The following NADSYN1 variants were observed in gnomAD, a reference collection of about 807,000 sequenced individuals.
NADSYN1 encodes the protein NAD synthetase 1.
Under a neutral mutation model 99.3 loss-of-function variants are expected in NADSYN1, and 80 were observed. That is an observed-to-expected ratio of 0.81 (90% CI 0.67 to 0.97). The LOEUF is 0.97. NADSYN1 is among the 50% of genes least tolerant of loss of function. The pLI is 0.00. For missense variants in NADSYN1, 859 were observed against 948.5 expected (o/e 0.91, Z 1.24); for synonymous variants, 385 against 372.1 (o/e 1.03, Z -0.40).
chr11:71,489,500 A>T (rs1949765454), intron 16 of NADSYN1, among the ~76,000 whole-genome samples: 1 of 152,104 alleles, frequency 6.6e-6, no homozygotes, highest in Admixed American at 6.5e-5. Flanking sequence ...TCTCTGAGTC[A>T]GCCCCGGCGG....
At chr11:71,460,948 C>T (rs977660720) in intron 3 of NADSYN1, 6 of 152,144 alleles carry the variant, frequency 3.9e-5, no homozygotes, top group Non-Finnish European at 4.4e-5. Context: ...TTTTTAAAAA[C>T]GACTGTCTTA....
In NADSYN1 at chr11:71,498,339, G is replaced by A. The variant is rs1354560784; in HGVS notation, c.1894-13G>A. ...TTTGGTAACATGAAGCTCGTGTGTTGCACGCCCACCAGGTCGCTGACAAAG... is the reference window on the plus strand; with the variant it reads ...TTTGGTAACATGAAGCTCGTGTGTTACACGCCCACCAGGTCGCTGACAAAG... On this transcript the variant is annotated splice_polypyrimidine_tract_variant and intron_variant, in intron 19 of 20. Coordinates refer to ENST00000319023, the MANE Select transcript of NADSYN1 (RefSeq NM_018161.5). 6.2e-7 allele frequency: 1 copy of A among 1,613,716 alleles called. No individual in the cohort carries two copies. Among genetic ancestry groups the A allele is most frequent in the Admixed American group, 1.7e-5 (1 of 60,016 alleles).
chr11:71,493,870 G>T (rs779367456), intron 18 of NADSYN1, among the ~76,000 whole-genome samples: 1 of 152,062 alleles, frequency 6.6e-6, no homozygotes, highest in Non-Finnish European at 1.5e-5. Flanking sequence ...GGTGGCTCAC[G>T]CCTGTAATCC....
At chr11:71,488,609 G>A (rs564461974) in intron 16 of NADSYN1, among the ~76,000 whole-genome samples, 6 of 151,710 alleles carry the variant, frequency 4.0e-5, no homozygotes, top group African/African-American at 1.2e-4. Flanking sequence ...GAGGGGAGGC[G>A]CAGGATAGGC....
Position 71,495,096 on chromosome 11 carries a change from T to C in NADSYN1, c.1765-2387T>C, listed in dbSNP as rs191960504. Among the ~76,000 whole-genome samples the C allele has an allele frequency of 1.9e-3, 295 of 152,338 alleles. 6 individuals carry two copies. Among genetic ancestry groups the C allele is most frequent in the Admixed American group, 0.015 (236 of 15,306 alleles). On this transcript the variant is annotated intron_variant, in intron 18 of 20. Coordinates refer to ENST00000319023, the MANE Select transcript of NADSYN1 (RefSeq NM_018161.5). ...GTTTCATTTGCTCTTCTTTTTCTAG[T>C]ATCTCAAGGTGGAAAGTTAGGTTGT...
At chr11:71,469,977 A>G (rs1037708961) in intron 5 of NADSYN1, among the ~76,000 whole-genome samples, 1 of 149,794 alleles carries the variant, frequency 6.7e-6, no homozygotes, top group East Asian at 2.0e-4. Context: ...TGCTGCTGAT[A>G]AAGACATACC....
chr11:71,458,464 C>T lies in NADSYN1; in HGVS notation c.183C>T (p.Asp61=), dbSNP rs1949527391. The T allele has an allele frequency of 3.7e-6, 6 of 1,614,052 alleles. No individual in the cohort carries two copies. The highest frequency in any genetic ancestry group is 1.7e-4 in the Middle Eastern group (1 of 6,060). Residue 61 remains aspartate (D), a synonymous_variant, in exon 3 of 21, where the codon GAC becomes GAT. Transcript: ENST00000319023. Reference sequence around the variant, plus strand: ...GTTGGGATCATTATTACGAGTCGGACACCCTCTTGCACTCGTTTCAAGTCC... The same window carrying T: ...GTTGGGATCATTATTACGAGTCGGATACCCTCTTGCACTCGTTTCAAGTCC... ...YGCWDHYYES[D]TLLHSFQVLA... is the part of the protein sequence containing the mutation.
chr11:71,494,468 A>G (rs78300366), intron 18 of NADSYN1, among the ~76,000 whole-genome samples: 32,595 of 152,082 alleles, frequency 0.21, 3,847 homozygotes, highest in South Asian at 0.34. Flanking sequence ...TGGCCTGTCT[A>G]TGTGTTTCTC....
At position 71,458,467 on chromosome 11, in the gene NADSYN1, C is replaced by A. The variant is rs200622177; in HGVS notation, c.186C>A (p.Thr62=). The A allele has an allele frequency of 1.8e-5, 29 of 1,613,932 alleles. No individual in the cohort carries two copies. Among genetic ancestry groups the A allele is most frequent in the Non-Finnish European group, 1.9e-5 (22 of 1,179,936 alleles). ...GGGATCATTATTACGAGTCGGACAC[C>A]CTCTTGCACTCGTTTCAAGTCCTAG... ...GCWDHYYESD[T]LLHSFQVLAA... Residue 62 remains threonine (T), a synonymous_variant, in exon 3 of 21, where the codon ACC becomes ACA. Coordinates refer to ENST00000319023, the MANE Select transcript of NADSYN1 (RefSeq NM_018161.5).
intron 12 of NADSYN1, 64 bp downstream of exon 12, chr11:71,481,468 T>G (rs1484236494): frequency 6.7e-7 from 1 of 1,490,428 alleles, no homozygotes; most frequent in Non-Finnish European, 9.3e-7. Flanking sequence ...GGTTTTATTC[T>G]GGGGCAGGGT....
chr11:71,498,647 CCT>C, intron 20 of NADSYN1, 119 bp downstream of exon 20: 1 of 1,126,326 alleles, frequency 8.9e-7, no homozygotes, highest in East Asian at 2.4e-5. Context: ...TTACTGTCCT[CCT>C]TTCTGCAAAG....
intron 15 of NADSYN1, chr11:71,484,649 A>G (rs1176626507): frequency 1.4e-6 from 1 of 697,228 alleles, no homozygotes; most frequent in East Asian, 2.9e-5. Flanking sequence ...GTTAACAAGG[A>G]GGGGGTCTGT....
At chr11:71,481,864 T>A in intron 12 of NADSYN1, 59 bp from the exon 13 acceptor site, 1 of 1,495,198 alleles carries the variant, frequency 6.7e-7, no homozygotes, top group Non-Finnish European at 9.2e-7. Flanking sequence ...GCTTGGCTGA[T>A]CCATGGGCAT....
Position 71,453,492 on chromosome 11 carries a change from C to T in NADSYN1, c.85+111C>T, listed in dbSNP as rs995440395. The T allele has an allele frequency of 1.4e-5, 14 of 1,008,708 alleles. No individual in the cohort carries two copies. In the African/African-American group the frequency reaches 2.1e-4, roughly 15 times the overall value. The allele number at this position is 1,008,708 out of a possible 1,614,324, so 62.5% of individuals were successfully genotyped here. ...GCCTTGCCCTGGGAAACTCTCGGCC[C>T]TGGGCATGGGATCAGGTGAGATAAT... On this transcript the variant is annotated intron_variant, in intron 1 of 20. Coordinates refer to ENST00000319023, the MANE Select transcript of NADSYN1 (RefSeq NM_018161.5).
At chr11:71,473,445 TG>T in intron 7 of NADSYN1, 79 bp downstream of exon 7, 1 of 1,554,122 alleles carries the variant, frequency 6.4e-7, no homozygotes, top group Non-Finnish European at 8.9e-7. Flanking sequence ...GCAGACGTCC[TG>T]GGGCCGTGGC....
intron 10 of NADSYN1, 119 bp downstream of exon 10, chr11:71,478,588 GT>G: frequency 3.3e-6 from 3 of 908,276 alleles, no homozygotes; most frequent in Non-Finnish European, 5.2e-6. Context: ...TGACAGGGAA[GT>G]TCCGGACTTC....
intron 16 of NADSYN1, among the ~76,000 whole-genome samples, chr11:71,489,840 C>T (rs887868712): frequency 6.6e-6 from 1 of 152,170 alleles, no homozygotes; most frequent in Non-Finnish European, 1.5e-5. Flanking sequence ...GCCTGGAAGG[C>T]CTTGCAAGGT....
In NADSYN1 at chr11:71,469,927, G is replaced by GAAAAAAAAAA. The variant is rs749801544; in HGVS notation, c.408-2514_408-2505dup. On this transcript the variant is annotated intron_variant, in intron 5 of 20. Transcript: ENST00000319023. Reference sequence around the variant, plus strand: ...GAAGACAGAACAAGAGCCTGTCTCAGAAAAAAAAAAAAAAAAAGACGTGTG... The same window carrying GAAAAAAAAAA: ...GAAGACAGAACAAGAGCCTGTCTCAGAAAAAAAAAAAAAAAAAAAAAAAAAAAGACGTGTG... Among the ~76,000 whole-genome samples, 12 of 109,168 alleles carry GAAAAAAAAAA rather than the reference G, an allele frequency of 1.1e-4. 1 individual carries two copies. The highest frequency in any genetic ancestry group is 8.0e-4 in the South Asian group (2 of 2,510). 71.6% of individuals were successfully genotyped at this position (109,168 alleles called of 152,430 possible). A position where few individuals can be genotyped will look rare whatever the true frequency, so the allele number is the denominator to read the frequency against.
chr11:71,477,816 T>G (rs1949679346), intron 9 of NADSYN1, among the ~76,000 whole-genome samples: 2 of 152,184 alleles, frequency 1.3e-5, no homozygotes, highest in Admixed American at 6.5e-5. Context: ...CTCAGGTTGC[T>G]TCTCCAGCTC....
Sources: gnomAD v4.1 joint callset for allele counts (sites outside exome capture counted in the v4.1 genomes callset) on GRCh38, gnomAD v4.1.1 for gene constraint, MANE v1.5 for transcripts, NCBI Gene and HGNC (gene_info 2026-07-23, HGNC 2026-07-21) for gene names.